The following EXOC4 variants were observed in gnomAD, a reference collection of about 807,000 sequenced individuals.
EXOC4 encodes the protein SEC8-like 1.
EXOC4 carries 71 observed loss-of-function variants against 107.2 expected under a neutral mutation model. The ratio of observed to expected loss-of-function variants is 0.66; its 90% CI spans 0.55 to 0.81. The LOEUF (loss-of-function observed/expected upper bound fraction) is 0.81. EXOC4 is among the 30% of genes least tolerant of loss of function. EXOC4 has a pLI of 0.00. For synonymous variants in EXOC4, 456 were observed against 441.2 expected (o/e 1.03, Z -0.42); for missense variants, 1,108 against 1,189.6 (o/e 0.93, Z 1.01).
intron 10 of EXOC4, among the ~76,000 whole-genome samples, chr7:133,664,399 T>C (rs1793765016): frequency 6.6e-6 from 1 of 151,928 alleles, no homozygotes; most frequent in Non-Finnish European, 1.5e-5. Flanking sequence ...TAAAATAGAG[T>C]GGTTGAGTCA....
chr7:133,908,958 G>C lies in EXOC4; in HGVS notation c.1872-8625G>C, dbSNP rs539879103. The stretch of plus-strand genomic sequence containing the variant: ...ACCCATCATCCTGTCATCTACATTA[G>C]GTATTTCTCCTAACGCTCTCCCTCC... On this transcript the variant is annotated intron_variant, in intron 12 of 17. Coordinates refer to ENST00000253861, the MANE Select transcript of EXOC4 (RefSeq NM_021807.4). Among the ~76,000 whole-genome samples, 3 of 152,132 alleles carry C rather than the reference G, an allele frequency of 2.0e-5. No homozygotes were observed. The South Asian group carries it at 6.2e-4, about 32-fold the overall frequency.
intron 10 of EXOC4, among the ~76,000 whole-genome samples, chr7:133,764,786 C>T (rs1796101862): frequency 6.6e-6 from 1 of 152,028 alleles, no homozygotes; most frequent in Non-Finnish European, 1.5e-5. Context: ...CAAGCTTTTG[C>T]TCATCTGGAG....
intron 13 of EXOC4, among the ~76,000 whole-genome samples, chr7:133,923,851 T>G (rs912855189): frequency 3.9e-5 from 6 of 152,248 alleles, no homozygotes; most frequent in Non-Finnish European, 2.9e-5. Flanking sequence ...GATGTTTTCT[T>G]CTAAAACCTT....
the EXOC4 span, among the ~76,000 whole-genome samples, chr7:134,077,973 G>A: frequency 2.6e-5 from 4 of 152,214 alleles, no homozygotes; most frequent in African/African-American, 9.7e-5. Flanking sequence ...GGAGTGCTGG[G>A]AGAGTCTCCA....
chr7:133,343,324 G>A lies in EXOC4; in HGVS notation c.764-13006G>A, dbSNP rs188318745. 2.9e-3 allele frequency among the ~76,000 whole-genome samples: 449 copies of A among 152,210 alleles called. 3 individuals are homozygous for A. The highest frequency in any genetic ancestry group is 5.2e-3 in the Admixed American group (80 of 15,286). ...GTCTGGCCACCCAGCAGAGCTACTAGGCTATGGGCTGGTACTTGGGGGTTT... is the reference window on the plus strand; with the variant it reads ...GTCTGGCCACCCAGCAGAGCTACTAAGCTATGGGCTGGTACTTGGGGGTTT... On this transcript the variant is annotated intron_variant, in intron 5 of 17. Coordinates refer to ENST00000253861, the MANE Select transcript of EXOC4 (RefSeq NM_021807.4).
At chr7:133,315,341 A>C (rs1394220151) in intron 4 of EXOC4, 2 of 152,332 alleles carry the variant, frequency 1.3e-5, no homozygotes, top group Non-Finnish European at 2.9e-5. Flanking sequence ...AATAAGAACC[A>C]GGTGTTTGCC....
chr7:134,032,871 G>A (rs1011674109), intron 17 of EXOC4, among the ~76,000 whole-genome samples: 5 of 152,222 alleles, frequency 3.3e-5, no homozygotes, highest in Non-Finnish European at 5.9e-5. Context: ...TTAATGCCAT[G>A]CATTGAAAGT....
intron 10 of EXOC4, among the ~76,000 whole-genome samples, chr7:133,767,440 T>TAC (rs1051258760): frequency 5.9e-5 from 9 of 151,632 alleles, no homozygotes; most frequent in South Asian, 4.2e-4. Flanking sequence ...GCCTTTTATA[T>TAC]ACACACACAC....
intron 11 of EXOC4, among the ~76,000 whole-genome samples, chr7:133,875,839 T>C (rs1798836928): frequency 1.3e-5 from 2 of 152,214 alleles, no homozygotes; most frequent in African/African-American, 4.8e-5. Flanking sequence ...TCTACCATGA[T>C]ACACCTGGCA....
chr7:133,454,399 C>T (rs551461778), intron 7 of EXOC4, among the ~76,000 whole-genome samples: 59 of 152,246 alleles, frequency 3.9e-4, no homozygotes, highest in African/African-American at 1.1e-3. Context: ...CCTGGCGAAG[C>T]GATTCTTGTG....
rs546427912 is a variant in EXOC4 at position 133,274,040 on chromosome 7, G to A, written c.87-942G>A. Among the ~76,000 whole-genome samples the A allele has an allele frequency of 2.6e-5, 4 of 152,184 alleles. No homozygotes were observed. In the South Asian group the frequency reaches 8.3e-4, roughly 32 times the overall value. On this transcript the variant is annotated intron_variant, in intron 1 of 17. Coordinates refer to ENST00000253861, the MANE Select transcript of EXOC4 (RefSeq NM_021807.4). ...AAAATTATCCAAGAAAGATAGTGGG[G>A]GAAACAAAGATCTGTGGTCCATGTA... is the stretch of plus-strand genomic sequence containing the variant.
chr7:133,585,256 A>G (rs1424234409), intron 9 of EXOC4, among the ~76,000 whole-genome samples: 1 of 152,210 alleles, frequency 6.6e-6, no homozygotes, highest in East Asian at 1.9e-4. Context: ...TGTAACTTCA[A>G]GTGACGGACT....
chr7:133,776,072 T>G (rs1052781218), intron 10 of EXOC4, among the ~76,000 whole-genome samples: 1 of 152,174 alleles, frequency 6.6e-6, no homozygotes, highest in African/African-American at 2.4e-5. Context: ...AAGTTGGATA[T>G]CTATTTCTAG....
intron 10 of EXOC4, among the ~76,000 whole-genome samples, chr7:133,637,533 A>G (rs1355697534): frequency 6.6e-6 from 1 of 152,206 alleles, no homozygotes; most frequent in East Asian, 1.9e-4. Flanking sequence ...CAGCCTAGCA[A>G]ATAATGTTGT....
chr7:133,805,723 A>G (rs1471869558), intron 10 of EXOC4, among the ~76,000 whole-genome samples: 2 of 152,222 alleles, frequency 1.3e-5, no homozygotes, highest in African/African-American at 4.8e-5. Flanking sequence ...TACAGAGACT[A>G]TGCTGGAGGC....
chr7:133,499,690 C>T (rs990724516), intron 9 of EXOC4, among the ~76,000 whole-genome samples: 1 of 152,116 alleles, frequency 6.6e-6, no homozygotes, highest in Non-Finnish European at 1.5e-5. Flanking sequence ...GGTTGGATCA[C>T]GGGGCGGAGT....
At chr7:133,441,229 T>G (rs1215128982) in intron 7 of EXOC4, among the ~76,000 whole-genome samples, 1 of 152,004 alleles carries the variant, frequency 6.6e-6, no homozygotes, top group Non-Finnish European at 1.5e-5. Context: ...TTTGGAGAAG[T>G]AGTACCAGAA....
intron 11 of EXOC4, among the ~76,000 whole-genome samples, chr7:133,855,112 TAA>T (rs1491227069): frequency 8.4e-4 from 91 of 108,846 alleles, no homozygotes; most frequent in Admixed American, 1.5e-3. Context: ...TAAATATATA[TAA>T]ATATATATAT....
chr7:133,993,682 A>G (rs773317872), intron 14 of EXOC4, among the ~76,000 whole-genome samples: 16 of 152,194 alleles, frequency 1.1e-4, no homozygotes, highest in Admixed American at 7.9e-4. Flanking sequence ...CTTTTGGCCA[A>G]TGGTCCAACA....
Sources: allele counts gnomAD v4.1 joint callset (sites outside exome capture counted in the v4.1 genomes callset), GRCh38; gene constraint gnomAD v4.1.1; transcripts MANE v1.5; gene names NCBI Gene and HGNC (gene_info 2026-07-23, HGNC 2026-07-21).